Variants in LTBP1 observed in about 807,000 individuals in gnomAD.
The protein encoded by LTBP1 is latent-transforming growth factor beta-binding protein 1.
In LTBP1, 129 loss-of-function variants were observed where a neutral mutation model predicts 207.6. The ratio of observed to expected loss-of-function variants is 0.62; its 90% CI spans 0.54 to 0.72. The LOEUF (loss-of-function observed/expected upper bound fraction) is 0.72, where lower values mean the gene tolerates loss of function less well. Among genes scored for constraint, LTBP1 ranks in the 30% least tolerant of loss-of-function variants. The pLI, the probability that LTBP1 is intolerant of heterozygous loss-of-function variation, is 0.00. For missense variants in LTBP1, 2,281 were observed against 2,217.2 expected (o/e 1.03, Z -0.58); for synonymous variants, 963 against 833.7 (o/e 1.16, Z -2.67).
At chr2:33,319,408 A>C (rs181471643) in intron 24 of LTBP1, among the ~76,000 whole-genome samples, 1 of 152,232 alleles carries the variant, frequency 6.6e-6, no homozygotes, top group African/African-American at 2.4e-5. Flanking sequence ...CAAAAGAAAA[A>C]AAAAAATCCT....
At chr2:33,156,730 A>T (rs923312083) in intron 5 of LTBP1, among the ~76,000 whole-genome samples, 3 of 152,198 alleles carry the variant, frequency 2.0e-5, no homozygotes, top group African/African-American at 7.2e-5. Context: ...TTAACATATT[A>T]TAAAATAGAA....
At chr2:33,159,231 G>A (rs996016455) in intron 5 of LTBP1, among the ~76,000 whole-genome samples, 3 of 152,142 alleles carry the variant, frequency 2.0e-5, no homozygotes, top group South Asian at 2.1e-4. Context: ...ACTCAAGGGC[G>A]TCCTATCACA....
At chr2:33,118,362 T>G (rs1326490043) in intron 4 of LTBP1, among the ~76,000 whole-genome samples, 1 of 152,184 alleles carries the variant, frequency 6.6e-6, no homozygotes, top group Non-Finnish European at 1.5e-5. Flanking sequence ...ATATTAGGTG[T>G]GAAAACAAAC....
At chr2:33,322,611 G>T (rs1251212327) in intron 24 of LTBP1, among the ~76,000 whole-genome samples, 1 of 152,130 alleles carries the variant, frequency 6.6e-6, no homozygotes, top group Non-Finnish European at 1.5e-5. Flanking sequence ...TACAAGCCAG[G>T]CACTATGCTA....
intron 9 of LTBP1, among the ~76,000 whole-genome samples, chr2:33,227,799 CTTTTTTTT>C (rs10548945): frequency 7.5e-4 from 40 of 53,392 alleles, no homozygotes; most frequent in South Asian, 2.9e-3. Flanking sequence ...ATAAGAAGCT[CTTTTTTTT>C]TTTTTTTTTT....
At chr2:33,140,265 T>A (rs553552591) in intron 5 of LTBP1, among the ~76,000 whole-genome samples, 16 of 152,210 alleles carry the variant, frequency 1.1e-4, no homozygotes, top group South Asian at 2.1e-4. Flanking sequence ...CATTAAATAA[T>A]CTGACATAAC....
chr2:33,347,290 C>A, intron 25 of LTBP1, 77 bp from the exon 26 acceptor site: 1 of 1,553,050 alleles, frequency 6.4e-7, no homozygotes, highest in Non-Finnish European at 8.9e-7. Flanking sequence ...ACACTATTAG[C>A]CCTGGCACAG....
chr2:33,271,568 AC>A (rs1309099113), intron 15 of LTBP1, among the ~76,000 whole-genome samples: 1 of 152,168 alleles, frequency 6.6e-6, no homozygotes, highest in East Asian at 1.9e-4. Context: ...GATTTTAGGT[AC>A]ATACAAGTTA....
chr2:32,997,248 C>T (rs954631206), intron 2 of LTBP1, among the ~76,000 whole-genome samples: 6 of 152,010 alleles, frequency 3.9e-5, no homozygotes, highest in African/African-American at 1.4e-4. Flanking sequence ...TGTTGGCTCA[C>T]TTCTGTAATC....
At chr2:33,096,773 G>A (rs1404155194) in intron 3 of LTBP1, among the ~76,000 whole-genome samples, 2 of 152,186 alleles carry the variant, frequency 1.3e-5, no homozygotes, top group Admixed American at 1.3e-4. Context: ...GCTGAGCACA[G>A]GAAAGTGCAT....
rs17012818 is a variant in LTBP1 at position 33,309,652 on chromosome 2, A to G, written c.3604+96A>G. The G allele has an allele frequency of 0.013, 17,339 of 1,369,724 alleles. 1,615 individuals are homozygous for G. The African/African-American group carries it at 0.21, about 17-fold the overall frequency. 84.8% of individuals were successfully genotyped at this position (1,369,724 alleles called of 1,614,324 possible). A position where few individuals can be genotyped will look rare whatever the true frequency, so the allele number is the denominator to read the frequency against. On this transcript the variant is annotated intron_variant, in intron 23 of 33. Coordinates refer to ENST00000404816, the MANE Select transcript of LTBP1 (RefSeq NM_206943.4). ...AGTCTGTGGTTTTGCCATGTGATTT[A>G]TATGTAAATAATTTATGTCAATTTT...
At chr2:33,365,794 A>C (rs12105856) in intron 31 of LTBP1, among the ~76,000 whole-genome samples, 14,677 of 152,246 alleles carry the variant, frequency 0.096, 790 homozygotes, top group African/African-American at 0.14. Context: ...GCATAGGCTT[A>C]GAATTTATAT....
chr2:33,154,025 T>C (rs1480430517), intron 5 of LTBP1, among the ~76,000 whole-genome samples: 1 of 152,234 alleles, frequency 6.6e-6, no homozygotes, highest in Admixed American at 6.5e-5. Flanking sequence ...CACTTCTCTG[T>C]GCCAGTTCTT....
chr2:33,260,319 T>C (rs1284895276), intron 13 of LTBP1, among the ~76,000 whole-genome samples: 1 of 152,204 alleles, frequency 6.6e-6, no homozygotes, highest in East Asian at 1.9e-4. Flanking sequence ...TATGATATAT[T>C]GCTAGACTAA....
intron 24 of LTBP1, among the ~76,000 whole-genome samples, chr2:33,338,269 A>T (rs1460823830): frequency 6.6e-6 from 1 of 152,224 alleles, no homozygotes; most frequent in Non-Finnish European, 1.5e-5. Context: ...TGAGACTGCA[A>T]GACGCCCAGT....
rs572172678 is a variant in LTBP1, at chr2:32,997,321, G to GC, written c.566-23587dup. Among the ~76,000 whole-genome samples the GC allele has an allele frequency of 5.7e-3, 865 of 152,132 alleles. 7 individuals are homozygous for GC. The highest frequency in any genetic ancestry group is 0.019 in the African/African-American group (796 of 41,542). On this transcript the variant is annotated intron_variant, in intron 2 of 33. Coordinates refer to ENST00000404816, the MANE Select transcript of LTBP1 (RefSeq NM_206943.4). ...AGGCCAAGAGTTTGAGACCAGCTGG[G>GC]CAACAAAACAAGATCCTGTCTCTAC...
chr2:33,309,509 G>T lies in LTBP1; in HGVS notation c.3557G>T (p.Cys1186Phe). 6.2e-7 allele frequency: 1 copy of T among 1,610,624 alleles called. No individual in the cohort carries two copies. Among genetic ancestry groups the T allele is most frequent in the South Asian group, 1.1e-5 (1 of 90,344 alleles). ...ATTAATACTGCAGGGTCCTATGATT[G>T]TACTTGTCCGGATGGATTTCAGCTA... ...DCINTAGSYD[C>F]TCPDGFQLDD... Residue 1186 changes from cysteine to phenylalanine, a missense_variant, in exon 23 of 34, where the codon TGT becomes TTT. This residue lies in a region of LTBP1 where 1,671 missense variants were observed against 1,634.8 expected (regional missense o/e 1.02). Coordinates refer to ENST00000404816, the MANE Select transcript of LTBP1 (RefSeq NM_206943.4).
chr2:33,062,226 TAC>T (rs57376478), intron 3 of LTBP1, among the ~76,000 whole-genome samples: 133,175 of 151,076 alleles, frequency 0.88, 60,807 homozygotes, highest in East Asian at 1. Flanking sequence ...CTCTGTCTCA[TAC>T]ACACACACAC....
intron 31 of LTBP1, among the ~76,000 whole-genome samples, chr2:33,374,733 T>C (rs60514603): frequency 0.34 from 51,591 of 151,826 alleles, 11,957 homozygotes; most frequent in African/African-American, 0.66. Flanking sequence ...GTGGGCAGAT[T>C]CTGAGGTCAG....
Sources: allele counts gnomAD v4.1 joint callset (sites outside exome capture counted in the v4.1 genomes callset), GRCh38; gene constraint gnomAD v4.1.1; regional missense constraint gnomAD v4.1.1; transcripts MANE v1.5; gene names NCBI Gene and HGNC (gene_info 2026-07-23, HGNC 2026-07-21).